SLC23A2: variants seen among roughly 807,000 people sequenced by gnomAD.
The protein encoded by SLC23A2 is solute carrier family 23 member 2.
A neutral mutation model predicts 73.3 loss-of-function variants in SLC23A2; 36 were observed. The ratio of observed to expected loss-of-function variants is 0.49; its 90% CI spans 0.38 to 0.65. The LOEUF is 0.65. SLC23A2 is among the 30% of genes least tolerant of loss of function. SLC23A2 has a pLI of 0.00. For synonymous variants in SLC23A2, 343 were observed against 327.3 expected (o/e 1.05, Z -0.52); for missense variants, 507 against 841.6 (o/e 0.60, Z 4.92).
chr20:4,997,487 C>T (rs1161480805), intron 1 of SLC23A2, among the ~76,000 whole-genome samples: 1 of 152,164 alleles, frequency 6.6e-6, no homozygotes, highest in Non-Finnish European at 1.5e-5. Flanking sequence ...CTGCTATGAA[C>T]TCAACTGTAT....
chr20:4,858,224 G>A (rs149265506), intron 16 of SLC23A2, among the ~76,000 whole-genome samples: 27 of 152,280 alleles, frequency 1.8e-4, no homozygotes, highest in African/African-American at 6.3e-4. Flanking sequence ...AACATCCACC[G>A]GTTGGACACT....
Position 4,857,125 on chromosome 20 carries a change from C to A in SLC23A2, c.1800G>T (p.Ser600=), listed in dbSNP as rs768522527. ...KGNKSLDGME[S]YNLPFGMNII... ...TGTTCATGCCAAATGGCAAATTGTA[C>A]GACTCCATGCCGTCGAGTGATTTGT... is the stretch of plus-strand genomic sequence containing the variant. Residue 600 remains serine (S), a synonymous_variant, in exon 17 of 17, where the codon TCG becomes TCT. Coordinates refer to ENST00000338244, the MANE Select transcript of SLC23A2 (RefSeq NM_005116.6). This position sits in a 1 kb window ranked among gnomAD's most constrained non-coding sequence, Gnocchi z 4.0. 3 of 1,613,870 alleles carry A rather than the reference C, an allele frequency of 1.9e-6. No individual in the cohort carries two copies. Among genetic ancestry groups the A allele is most frequent in the Non-Finnish European group, 2.5e-6 (3 of 1,179,852 alleles).
chr20:4,878,984 C>T (rs1930767907), intron 9 of SLC23A2, among the ~76,000 whole-genome samples: 1 of 152,184 alleles, frequency 6.6e-6, no homozygotes, highest in African/African-American at 2.4e-5. Flanking sequence ...TTGACTAGCA[C>T]ATCTAGAATA....
At chr20:4,999,243 A>G (rs1310724263) in intron 1 of SLC23A2, among the ~76,000 whole-genome samples, 1 of 152,184 alleles carries the variant, frequency 6.6e-6, no homozygotes, top group African/African-American at 2.4e-5. Context: ...CCAATTCGGG[A>G]TTTCAAACAC....
At chr20:4,931,018 TA>T (rs1932783088) in intron 3 of SLC23A2, among the ~76,000 whole-genome samples, 1 of 147,678 alleles carries the variant, frequency 6.8e-6, no homozygotes, top group South Asian at 2.1e-4. Context: ...AAATAACTTT[TA>T]TTTTTTTCTT....
chr20:4,890,778 C>T (rs184671230), intron 6 of SLC23A2, among the ~76,000 whole-genome samples: 85 of 152,346 alleles, frequency 5.6e-4, no homozygotes, highest in Non-Finnish European at 1.1e-3. Context: ...AAGCAGCCTG[C>T]ACTGTTCTAT....
At chr20:4,894,915 C>A (rs1239755964) in intron 6 of SLC23A2, among the ~76,000 whole-genome samples, 1 of 152,206 alleles carries the variant, frequency 6.6e-6, no homozygotes, top group African/African-American at 2.4e-5. Context: ...AGGGGGACGA[C>A]TTGACCACAG....
intron 1 of SLC23A2, among the ~76,000 whole-genome samples, chr20:4,987,229 T>G (rs906886930): frequency 6.6e-6 from 1 of 151,942 alleles, no homozygotes; most frequent in Non-Finnish European, 1.5e-5. Flanking sequence ...TATCTTTGAG[T>G]GGATGAAAGA....
At chr20:4,982,036 C>A (rs1159486819) in intron 1 of SLC23A2, among the ~76,000 whole-genome samples, 1 of 148,986 alleles carries the variant, frequency 6.7e-6, no homozygotes, top group Non-Finnish European at 1.5e-5. Flanking sequence ...GCTCTGTCAC[C>A]CAGGCTGGAG....
chr20:4,942,204 G>A (rs1046771719), intron 2 of SLC23A2, among the ~76,000 whole-genome samples: 7 of 152,100 alleles, frequency 4.6e-5, no homozygotes, highest in Non-Finnish European at 7.4e-5. Flanking sequence ...ATACAGCAGT[G>A]CGGAATAATG....
chr20:4,885,724 G>GA, intron 7 of SLC23A2, 97 bp downstream of exon 7: 1 of 841,198 alleles, frequency 1.2e-6, no homozygotes, highest in Non-Finnish European at 2.0e-6. Context: ...CCTAATTCTT[G>GA]AAAGGATTTA....
rs1220636404 is a variant in SLC23A2, at chr20:4,854,023, T to C, written c.*2949A>G. ...GTATTCACGCTGTCTACATTTCATG[T>C]TGGGATTGCCCACACAAATGCTTTC... On this transcript the variant is annotated 3_prime_UTR_variant, in exon 17 of 17. Coordinates refer to ENST00000338244, the MANE Select transcript of SLC23A2 (RefSeq NM_005116.6). The C allele has an allele frequency of 1.3e-5, 2 of 152,196 alleles. No individual in the cohort carries two copies. Among genetic ancestry groups the C allele is most frequent in the African/African-American group, 4.8e-5 (2 of 41,444 alleles). 9.4% of individuals were successfully genotyped at this position (152,196 alleles called of 1,614,324 possible). A position where few individuals can be genotyped will look rare whatever the true frequency, so the allele number is the denominator to read the frequency against.
chr20:4,955,399 C>CACACA (rs2087270678), intron 2 of SLC23A2, among the ~76,000 whole-genome samples: 1 of 127,998 alleles, frequency 7.8e-6, no homozygotes, highest in African/African-American at 2.8e-5. Flanking sequence ...ACACACACAC[C>CACACA]CTAGAATAAG....
chr20:4,861,926 G>A, intron 15 of SLC23A2, 22 bp downstream of exon 15: 1 of 1,612,190 alleles, frequency 6.2e-7, no homozygotes, highest in Non-Finnish European at 8.5e-7. Context: ...CCCACTCCAA[G>A]ATGTAAAGCC....
intron 3 of SLC23A2, among the ~76,000 whole-genome samples, chr20:4,923,305 A>C (rs1424760652): frequency 6.6e-6 from 1 of 152,076 alleles, no homozygotes; most frequent in Admixed American, 6.5e-5. Context: ...AGAACATCTT[A>C]CCATGCACAA....
In SLC23A2 at chr20:4,871,128, T is replaced by C. The variant is rs552176543; in HGVS notation, c.1103-1075A>G. ...TGATAAAGGAGTAGCCCTTCTTCCG[T>C]TGAAGCATTAGTTATAATACACTCA... On this transcript the variant is annotated intron_variant, in intron 11 of 16. Transcript: ENST00000338244. Among the ~76,000 whole-genome samples, 26 of 152,270 alleles carry C rather than the reference T, an allele frequency of 1.7e-4. 1 individual carries two copies. The South Asian group carries it at 5.0e-3, about 29-fold the overall frequency.
intron 13 of SLC23A2, among the ~76,000 whole-genome samples, chr20:4,864,904 C>G (rs1930131478): frequency 6.6e-6 from 1 of 152,182 alleles, no homozygotes; most frequent in Admixed American, 6.5e-5. Context: ...CCAGGGATAC[C>G]TGAAACTAAA....
chr20:4,867,704 C>T, intron 13 of SLC23A2, 66 bp downstream of exon 13: 1 of 878,654 alleles, frequency 1.1e-6, no homozygotes, highest in Non-Finnish European at 1.8e-6. Context: ...TTGCAGTGGC[C>T]AGATCGATCA....
intron 3 of SLC23A2, among the ~76,000 whole-genome samples, chr20:4,931,926 A>G (rs1000275988): frequency 6.6e-6 from 1 of 152,230 alleles, no homozygotes; most frequent in Non-Finnish European, 1.5e-5. Flanking sequence ...TATACAAATC[A>G]AGTCATCGTC....
Sources: gnomAD v4.1 joint callset for allele counts (sites outside exome capture counted in the v4.1 genomes callset) on GRCh38, gnomAD v4.1.1 for gene constraint, Gnocchi (gnomAD v3.1) non-coding constraint, MANE v1.5 for transcripts, NCBI Gene and HGNC (gene_info 2026-07-23, HGNC 2026-07-21) for gene names.